The following FAM53B variants were observed in gnomAD, a reference collection of about 807,000 sequenced individuals.
FAM53B encodes family with sequence similarity 53 member B.
Under a neutral mutation model 32.7 loss-of-function variants are expected in FAM53B, and 12 were observed. The observed-to-expected ratio is 0.37, with a 90% confidence interval of 0.24 to 0.59. The LOEUF (loss-of-function observed/expected upper bound fraction) is 0.59. FAM53B is among the 20% of genes least tolerant of loss of function. FAM53B has a pLI of 0.72. For missense variants in FAM53B, 477 were observed against 577.7 expected, an observed-to-expected ratio of 0.83 and a Z score of 1.79; for synonymous variants, 234 against 228.7, an observed-to-expected ratio of 1.02 and a Z score of -0.21.
At chr10:124,707,568 T>C (rs934536753) in intron 1 of FAM53B, among the ~76,000 whole-genome samples, 2 of 152,124 alleles carry the variant, frequency 1.3e-5, no homozygotes, top group African/African-American at 4.8e-5. Context: ...TGAAACCCCA[T>C]CTCTACTAAA....
At chr10:124,680,307 T>A (rs939294692) in intron 4 of FAM53B, among the ~76,000 whole-genome samples, 1 of 152,172 alleles carries the variant, frequency 6.6e-6, no homozygotes, top group African/African-American at 2.4e-5. Flanking sequence ...TACCACCATC[T>A]TGCCCTCCCA....
At chr10:124,661,880 G>C (rs1949633234) in intron 4 of FAM53B, among the ~76,000 whole-genome samples, 1 of 152,240 alleles carries the variant, frequency 6.6e-6, no homozygotes, top group Non-Finnish European at 1.5e-5. Flanking sequence ...TGGCCTAGCA[G>C]GGGCCAGAGC....
chr10:124,635,676 A>C (rs936109024), intron 4 of FAM53B, among the ~76,000 whole-genome samples: 2 of 152,174 alleles, frequency 1.3e-5, no homozygotes, highest in South Asian at 4.1e-4. Context: ...ACGACGTGTG[A>C]CCAAGCAATC....
At chr10:124,643,188 T>G (rs1252997499) in intron 4 of FAM53B, among the ~76,000 whole-genome samples, 1 of 152,186 alleles carries the variant, frequency 6.6e-6, no homozygotes, top group Non-Finnish European at 1.5e-5. Flanking sequence ...AACGCTCAGG[T>G]TAAGGGAGAA....
chr10:124,646,547 G>A (rs557975497), intron 4 of FAM53B, among the ~76,000 whole-genome samples: 141 of 152,296 alleles, frequency 9.3e-4, no homozygotes, highest in African/African-American at 3.2e-3. Context: ...CTCCCAGCCC[G>A]GAGCCTCTGG....
chr10:124,725,270 G>C (rs374340052), intron 1 of FAM53B, among the ~76,000 whole-genome samples: 27 of 152,314 alleles, frequency 1.8e-4, no homozygotes, highest in African/African-American at 6.0e-4. Context: ...GGACTTCAAC[G>C]CACCATTTCC....
intron 4 of FAM53B, 66 bp from the exon 5 acceptor site, chr10:124,623,670 C>T (rs1044097151): frequency 7.4e-6 from 11 of 1,496,460 alleles, no homozygotes; most frequent in Admixed American, 4.3e-5. Context: ...GGACTGCACA[C>T]CCCACAAAGC....
intron 4 of FAM53B, among the ~76,000 whole-genome samples, chr10:124,645,056 G>C (rs1302356526): frequency 6.6e-6 from 1 of 152,214 alleles, no homozygotes; most frequent in Non-Finnish European, 1.5e-5. Context: ...GTCACCTTGG[G>C]GACCGCAGCA....
chr10:124,680,217 A>C (rs1949760608), intron 4 of FAM53B, among the ~76,000 whole-genome samples: 1 of 152,222 alleles, frequency 6.6e-6, no homozygotes, highest in Non-Finnish European at 1.5e-5. Flanking sequence ...AAACTAGCTG[A>C]GAAGAGGCAA....
rs1035075093 is a variant in FAM53B, at chr10:124,700,386, C to T, written c.79-4174G>A. On this transcript the variant is annotated intron_variant, in intron 2 of 4. Coordinates refer to ENST00000337318, the MANE Select transcript of FAM53B (RefSeq NM_014661.4). ...TGGAGGCCCCACCAGGCCGAGGGAA[C>T]CCCTCGGCCCTCTGAGGTTTCACAA... Among the ~76,000 whole-genome samples the T allele has an allele frequency of 9.9e-3, 1,513 of 152,294 alleles. 11 individuals are homozygous for T. The highest frequency in any genetic ancestry group is 0.016 in the Non-Finnish European group (1,059 of 68,018).
rs1020149231 is a variant in FAM53B, at chr10:124,660,182, C to T, written c.906+21425G>A. Among the ~76,000 whole-genome samples the T allele has an allele frequency of 2.0e-5, 3 of 152,196 alleles. No individual in the cohort carries two copies. The East Asian group carries it at 5.8e-4, about 29-fold the overall frequency. ...GCCCTCGCTGTTCACGTTTGGGTTT[C>T]GTTCCACCATATGGAGCGGAAGAGC... On this transcript the variant is annotated intron_variant, in intron 4 of 4. Coordinates refer to ENST00000337318, the MANE Select transcript of FAM53B (RefSeq NM_014661.4).
In FAM53B at chr10:124,696,208, G is replaced by A. The variant is rs776186824; in HGVS notation, c.83C>T (p.Thr28Met). ...AGGTCCTTGACTCATCTTCTTTGGC[G>A]TGTGCTGAAAACAACCAGAAAAGCT... ...ACGTFSRELH[T>M]PKKMSQGPTL... Residue 28 changes from threonine (T) to methionine (M), a missense_variant, in exon 3 of 5, where the codon ACG becomes ATG. Thr to Met is a moderately conservative substitution (Grantham distance 81). Transcript: ENST00000337318. 8.7e-6 allele frequency: 14 copies of A among 1,613,660 alleles called. No individual in the cohort carries two copies. The highest frequency in any genetic ancestry group is 3.3e-5 in the South Asian group (3 of 91,070).
At chr10:124,743,195 C>T (rs1186690113) in intron 1 of FAM53B, among the ~76,000 whole-genome samples, 2 of 152,218 alleles carry the variant, frequency 1.3e-5, no homozygotes, top group South Asian at 2.1e-4. Context: ...ACAACACAAA[C>T]CGCAAACCCT....
At chr10:124,696,591 C>T (rs1342163732) in intron 2 of FAM53B, among the ~76,000 whole-genome samples, 2 of 152,084 alleles carry the variant, frequency 1.3e-5, no homozygotes, top group African/African-American at 4.8e-5. Context: ...GAGGAGGGGA[C>T]CTCCCTGGGG....
chr10:124,723,725 G>A (rs1282325180), intron 1 of FAM53B, among the ~76,000 whole-genome samples: 1 of 152,178 alleles, frequency 6.6e-6, no homozygotes, highest in Non-Finnish European at 1.5e-5. Context: ...GCCAGGCAGA[G>A]CCTGGACAGC....
At chr10:124,690,942 A>T (rs1301567866) in intron 3 of FAM53B, among the ~76,000 whole-genome samples, 2 of 152,202 alleles carry the variant, frequency 1.3e-5, no homozygotes, top group East Asian at 3.8e-4. Flanking sequence ...CAAAAGAGAA[A>T]AAGTGGCAGA....
At chr10:124,630,880 A>C (rs1949386681) in intron 4 of FAM53B, among the ~76,000 whole-genome samples, 1 of 152,242 alleles carries the variant, frequency 6.6e-6, no homozygotes, top group African/African-American at 2.4e-5. Context: ...TCCAGAAGCC[A>C]GTACAGCAGG....
At chr10:124,701,644 T>A (rs1172370211) in intron 2 of FAM53B, among the ~76,000 whole-genome samples, 1 of 152,182 alleles carries the variant, frequency 6.6e-6, no homozygotes, top group Non-Finnish European at 1.5e-5. Flanking sequence ...GGGGAGCAGC[T>A]AATGTTAGAA....
chr10:124,625,198 C>G (rs1205071343), intron 4 of FAM53B, among the ~76,000 whole-genome samples: 3 of 152,244 alleles, frequency 2.0e-5, no homozygotes, highest in Admixed American at 6.5e-5. Context: ...AAAAGGCGCT[C>G]TCTCTGGAGG....
Sources: gnomAD v4.1 joint callset for allele counts (sites outside exome capture counted in the v4.1 genomes callset) on GRCh38, gnomAD v4.1.1 for gene constraint, MANE v1.5 for transcripts, NCBI Gene and HGNC (gene_info 2026-07-23, HGNC 2026-07-21) for gene names.